The following STON1 variants were observed in gnomAD, a reference collection of about 807,000 sequenced individuals.
STON1 encodes stonin-1.
In STON1, 79 loss-of-function variants were observed where a neutral mutation model predicts 60.9. That is an observed-to-expected ratio of 1.30 (90% CI 1.08 to 1.56). The LOEUF is 1.56. STON1 is among the 40% of genes most tolerant of loss of function. The probability of loss-of-function intolerance (pLI) is 0.00; values close to 1 mark genes in which losing one functional copy is unlikely to be tolerated. For missense variants in STON1, 1,166 were observed against 858.9 expected (o/e 1.36, Z -4.47); for synonymous variants, 363 against 306.9 (o/e 1.18, Z -1.91).
intron 1 of STON1, among the ~76,000 whole-genome samples, chr2:48,549,904 G>A (rs1247204743): frequency 6.6e-6 from 1 of 150,478 alleles, no homozygotes; most frequent in Admixed American, 6.6e-5. Context: ...GGGGTGGTGG[G>A]ACCGACTCTT....
intron 1 of STON1, among the ~76,000 whole-genome samples, chr2:48,578,608 A>G (rs1327787325): frequency 2.4e-4 from 5 of 21,176 alleles, no homozygotes; most frequent in Non-Finnish European, 5.0e-4. Context: ...TTTTTTTTTG[A>G]TATAGAGTTT....
At chr2:48,575,259 T>C (rs766056915) in intron 1 of STON1, among the ~76,000 whole-genome samples, 1 of 152,248 alleles carries the variant, frequency 6.6e-6, no homozygotes, top group Non-Finnish European at 1.5e-5. Flanking sequence ...TATGCATCCA[T>C]CCATCAATTA....
intron 1 of STON1, among the ~76,000 whole-genome samples, chr2:48,547,444 C>T (rs573409297): frequency 1.5e-4 from 23 of 152,192 alleles, no homozygotes; most frequent in Non-Finnish European, 2.9e-4. Flanking sequence ...GAGGCCACAA[C>T]CTAGTTGTTA....
intron 3 of STON1, 71 bp from the exon 4 acceptor site, chr2:48,595,157 A>G (rs1458037776): frequency 5.8e-6 from 7 of 1,204,516 alleles, no homozygotes; most frequent in Non-Finnish European, 3.7e-6. Context: ...CATGTATAAA[A>G]TAGGACTGAA....
rs1394065521 is a variant in STON1, at chr2:48,596,622, T to G, written c.*1320T>G. On this transcript the variant is annotated 3_prime_UTR_variant, in exon 4 of 4. Coordinates refer to ENST00000404752, the MANE Select transcript of STON1 (RefSeq NM_006873.4). Reference sequence around the variant, plus strand: ...TTGTTTTGAGTCAAAACTGATTTAGTGTTCTTCCAAACAACATTTATGTGT... The same window carrying G: ...TTGTTTTGAGTCAAAACTGATTTAGGGTTCTTCCAAACAACATTTATGTGT... 1 of 152,214 alleles carries G rather than the reference T, an allele frequency of 6.6e-6. No individual in the cohort carries two copies. Among genetic ancestry groups the G allele is most frequent in the Non-Finnish European group, 1.5e-5 (1 of 68,038 alleles). The allele number at this position is 152,214 out of a possible 1,614,324, so 9.4% of individuals were successfully genotyped here.
In STON1 at chr2:48,597,511, G is replaced by T. The variant is rs35265092; in HGVS notation, c.*2209G>T. ...ATATATTCAGCAAAGGGTTCACTTA[G>T]TTGCCCCTCATGCTTCACAGGTTGA... On this transcript the variant is annotated 3_prime_UTR_variant, in exon 4 of 4. Coordinates refer to ENST00000404752, the MANE Select transcript of STON1 (RefSeq NM_006873.4). 1 of 151,984 alleles carries T rather than the reference G, an allele frequency of 6.6e-6. No individual in the cohort carries two copies. Among genetic ancestry groups the T allele is most frequent in the African/African-American group, 2.4e-5 (1 of 41,394 alleles). 9.4% of individuals were successfully genotyped at this position (151,984 alleles called of 1,614,324 possible). A position where few individuals can be genotyped will look rare whatever the true frequency, so the allele number is the denominator to read the frequency against.
At chr2:48,564,299 T>C (rs1196789880) in intron 1 of STON1, among the ~76,000 whole-genome samples, 2 of 152,116 alleles carry the variant, frequency 1.3e-5, no homozygotes, top group East Asian at 3.9e-4. Context: ...AAGATCAGGG[T>C]ACTAGCATGG....
At chr2:48,558,547 C>T (rs990546883) in intron 1 of STON1, among the ~76,000 whole-genome samples, 1 of 152,230 alleles carries the variant, frequency 6.6e-6, no homozygotes, top group African/African-American at 2.4e-5. Context: ...GAGAAGAGAT[C>T]TGCCATAGCT....
In STON1 at chr2:48,541,293, A is replaced by C. The variant is rs183559554; in HGVS notation, c.-48+11077A>C. 2.9e-4 allele frequency among the ~76,000 whole-genome samples: 44 copies of C among 151,770 alleles called. No individual in the cohort carries two copies. The East Asian group carries it at 8.6e-3, about 30-fold the overall frequency. On this transcript the variant is annotated intron_variant, in intron 1 of 3. Coordinates refer to ENST00000404752, the MANE Select transcript of STON1 (RefSeq NM_006873.4). ...TGAACCTAAGCTGGGGCGGAGGTTGAAGTGAGCTGAGATCCTGCTACTGCA... is the reference window on the plus strand; with the variant it reads ...TGAACCTAAGCTGGGGCGGAGGTTGCAGTGAGCTGAGATCCTGCTACTGCA...
At position 48,578,284 on chromosome 2, in the gene STON1, A is replaced by T. The variant is rs995882266; in HGVS notation, c.-47-2303A>T. ...TGAGCCACTGCACCCAGCCTCTTCC[A>T]TCCATGTTGAGTTGATGGTTGTGTA... On this transcript the variant is annotated intron_variant, in intron 1 of 3. Coordinates refer to ENST00000404752, the MANE Select transcript of STON1 (RefSeq NM_006873.4). 7.2e-5 allele frequency among the ~76,000 whole-genome samples: 11 copies of T among 152,260 alleles called. No individual in the cohort carries two copies. The South Asian group carries it at 2.3e-3, about 32-fold the overall frequency.
At chr2:48,556,714 C>A (rs1572943434) in intron 1 of STON1, among the ~76,000 whole-genome samples, 1 of 8,440 alleles carries the variant, frequency 1.2e-4, no homozygotes, top group East Asian at 4.7e-3. Flanking sequence ...GCGCCCCTCA[C>A]CTCCCGGACG....
chr2:48,550,877 C>A (rs1672073912), intron 1 of STON1, among the ~76,000 whole-genome samples: 1 of 151,938 alleles, frequency 6.6e-6, no homozygotes, highest in African/African-American at 2.4e-5. Flanking sequence ...AACCTAAACA[C>A]ATAACTGAAA....
At chr2:48,566,835 T>A (rs1265072947) in intron 1 of STON1, among the ~76,000 whole-genome samples, 1 of 152,012 alleles carries the variant, frequency 6.6e-6, no homozygotes, top group Non-Finnish European at 1.5e-5. Context: ...GGGCTGGTGT[T>A]GTGGTGGTGT....
intron 1 of STON1, among the ~76,000 whole-genome samples, chr2:48,579,895 A>T (rs944314047): frequency 2.0e-5 from 3 of 151,864 alleles, no homozygotes; most frequent in Non-Finnish European, 4.4e-5. Flanking sequence ...GGGTGCTCTG[A>T]TGTTGGATAT....
chr2:48,569,079 A>G (rs187588443), intron 1 of STON1: 124 of 152,348 alleles, frequency 8.1e-4, no homozygotes, highest in African/African-American at 2.9e-3. Flanking sequence ...CTGGTCGAGC[A>G]ACTTTAGGCA....
intron 1 of STON1, among the ~76,000 whole-genome samples, chr2:48,580,237 C>T (rs550408729): frequency 1.9e-4 from 29 of 152,132 alleles, no homozygotes; most frequent in Admixed American, 1.8e-3. Context: ...ATTGTTGCGT[C>T]TTCCTAGTGA....
chr2:48,578,396 A>G (rs138658071), intron 1 of STON1, among the ~76,000 whole-genome samples: 50 of 152,276 alleles, frequency 3.3e-4, no homozygotes, highest in African/African-American at 1.2e-3. Context: ...ACAAATTTGT[A>G]AACTTTCTTA....
At chr2:48,584,422 C>T (rs1174909112) in intron 2 of STON1, among the ~76,000 whole-genome samples, 1 of 152,096 alleles carries the variant, frequency 6.6e-6, no homozygotes, top group Non-Finnish European at 1.5e-5. Flanking sequence ...CGTGAGCCAC[C>T]ACGCCTGGCT....
In STON1 at chr2:48,554,720, TTTTTTA is replaced by T. The variant is rs1281563428; in HGVS notation, c.-48+24508_-48+24513del. Among the ~76,000 whole-genome samples, 2 of 54,248 alleles carry T rather than the reference TTTTTTA, an allele frequency of 3.7e-5. 1 individual carries two copies. 35.6% of individuals were successfully genotyped at this position (54,248 alleles called of 152,430 possible). Reference sequence around the variant, plus strand: ...TTTAAGTGCAAAATTTTTTTTTTTTTTTTTTATTTATTTATTTATTTTTTTATTGAT... The same window carrying T: ...TTTAAGTGCAAAATTTTTTTTTTTTTTTTATTTATTTATTTTTTTATTGAT... On this transcript the variant is annotated intron_variant, in intron 1 of 3. Transcript: ENST00000404752.
Sources: gnomAD v4.1 joint callset for allele counts (sites outside exome capture counted in the v4.1 genomes callset) on GRCh38, gnomAD v4.1.1 for gene constraint, MANE v1.5 for transcripts, NCBI Gene and HGNC (gene_info 2026-07-23, HGNC 2026-07-21) for gene names.